REN: variants seen among roughly 807,000 people sequenced by gnomAD.
The protein encoded by REN is angiotensin-forming enzyme.
A neutral mutation model predicts 48.6 loss-of-function variants in REN; 42 were observed. The ratio of observed to expected loss-of-function variants is 0.86; its 90% confidence interval spans 0.68 to 1.12. The LOEUF is 1.12. Among genes scored for constraint, REN ranks in the 50% most tolerant of loss-of-function variants. The pLI, the probability that REN is intolerant of heterozygous loss-of-function variation, is 0.00. For missense variants in REN, 443 were observed against 527.3 expected, an observed-to-expected ratio of 0.84 and a Z score of 1.57; for synonymous variants, 196 against 204.6, an observed-to-expected ratio of 0.96 and a Z score of 0.36.
intron 5 of REN, among the ~76,000 whole-genome samples, chr1:204,158,258 C>T (rs895292917): frequency 3.9e-5 from 6 of 152,126 alleles, no homozygotes; most frequent in African/African-American, 1.2e-4. Flanking sequence ...AAAGACCACC[C>T]CTGAATGCAG....
At position 204,160,547 on chromosome 1, in the gene REN, C is replaced by A; in HGVS notation, c.492+13G>T. ...GGGGTCCGGGGCAGATGACCTAGGG[C>A]GGCCCAACTTACGGTGATGATGTCC... On this transcript the variant is annotated intron_variant, in intron 4 of 9. Coordinates refer to ENST00000272190, the MANE Select transcript of REN (RefSeq NM_000537.4). 1 of 1,580,574 alleles carries A rather than the reference C, an allele frequency of 6.3e-7. No individual in the cohort carries two copies. Among genetic ancestry groups the A allele is most frequent in the South Asian group, 1.1e-5 (1 of 90,412 alleles).
Position 204,156,387 on chromosome 1 carries a change from C to CTGCAT in REN, c.819-73_819-69dup. On this transcript the variant is annotated intron_variant, in intron 7 of 9. Coordinates refer to ENST00000272190, the MANE Select transcript of REN (RefSeq NM_000537.4). The surrounding 1 kb of genome is among the most constrained non-coding windows in gnomAD (Gnocchi z 4.2). ...AGAAGGCTGATGGGGCACCTCCAGGCTGCATGTCCTTCCTGAGTGTGGGTG... is the reference window on the plus strand; with the variant it reads ...AGAAGGCTGATGGGGCACCTCCAGGCTGCATTGCATGTCCTTCCTGAGTGTGGGTG... 7.6e-7 allele frequency: 1 copy of CTGCAT among 1,307,756 alleles called. No individual in the cohort carries two copies. The highest frequency in any genetic ancestry group is 2.9e-5 in the East Asian group (1 of 34,190). 81.0% of individuals were successfully genotyped at this position (1,307,756 alleles called of 1,614,324 possible).
chr1:204,156,941 C>T lies in REN; in HGVS notation c.699-145G>A. ...GTGGGACAGACAGCCAGGCTCGGAG[C>T]TGTCGTTGGGAAGCATGCAGAACAT... On this transcript the variant is annotated intron_variant, in intron 6 of 9. Transcript: ENST00000272190. The surrounding 1 kb of genome is among the most constrained non-coding windows in gnomAD (Gnocchi z 4.2). 1 of 1,071,544 alleles carries T rather than the reference C, an allele frequency of 9.3e-7. No homozygotes were observed. The highest frequency in any genetic ancestry group is 1.4e-6 in the Non-Finnish European group (1 of 705,940). The allele number at this position is 1,071,544 out of a possible 1,614,324, so 66.4% of individuals were successfully genotyped here.
At chr1:204,159,970 C>T (rs968213954) in intron 4 of REN, among the ~76,000 whole-genome samples, 3 of 152,180 alleles carry the variant, frequency 2.0e-5, no homozygotes, top group Admixed American at 2.0e-4. Flanking sequence ...ACAAGCTTGC[C>T]CTTCTCCCTC....
At chr1:204,157,313 C>T (rs776688137) in intron 6 of REN, 48 bp downstream of exon 6, 21 of 1,613,572 alleles carry the variant, frequency 1.3e-5, no homozygotes, top group Non-Finnish European at 1.6e-5. Flanking sequence ...GTCAGGTGCT[C>T]GGGGAGTACT....
chr1:204,158,829 A>G (rs764933440), intron 5 of REN, among the ~76,000 whole-genome samples: 1 of 152,202 alleles, frequency 6.6e-6, no homozygotes, highest in Non-Finnish European at 1.5e-5. Context: ...AGGGGAGTAC[A>G]GATTCTGCCT....
At chr1:204,161,176 G>A (rs1658239512) in intron 3 of REN, 116 bp downstream of exon 3, 1 of 1,191,458 alleles carries the variant, frequency 8.4e-7, no homozygotes, top group African/African-American at 1.5e-5. Flanking sequence ...CACAGAGGCA[G>A]AGAGGAAGCC....
intron 1 of REN, 128 bp from the exon 2 acceptor site, chr1:204,162,291 A>G: frequency 1.0e-6 from 1 of 1,005,000 alleles, no homozygotes; most frequent in Non-Finnish European, 1.5e-6. Context: ...CCTGGAAATC[A>G]CCTCTGTCGC....
chr1:204,154,994 C>G lies in REN; in HGVS notation c.*22G>C. On this transcript the variant is annotated 3_prime_UTR_variant, in exon 10 of 10. Transcript: ENST00000272190. ...CTCTGGGCCAGGGCTGAAGGCAGGG[C>G]CTGCCTGGGTGGCAGAGGGCCTCAG... 6.2e-7 allele frequency: 1 copy of G among 1,612,950 alleles called. No individual in the cohort carries two copies. Among genetic ancestry groups the G allele is most frequent in the Non-Finnish European group, 8.5e-7 (1 of 1,179,920 alleles).
At chr1:204,162,322 A>G (rs1020367286) in intron 1 of REN, among the ~76,000 whole-genome samples, 159 bp from the exon 2 acceptor site, 2 of 152,208 alleles carry the variant, frequency 1.3e-5, no homozygotes, top group African/African-American at 2.4e-5. Context: ...TGGAGCATTT[A>G]TAAGAGTTAC....
At chr1:204,159,332 C>T (rs534045777) in intron 5 of REN, 67 bp downstream of exon 5, 1 of 1,438,752 alleles carries the variant, frequency 7.0e-7, no homozygotes, top group East Asian at 2.3e-5. Context: ...CCCAGACTCT[C>T]CTTCCACTCC....
intron 9 of REN, 57 bp from the exon 10 acceptor site, chr1:204,155,234 CTT>C (rs1483032424): frequency 6.3e-7 from 1 of 1,588,452 alleles, no homozygotes; most frequent in Non-Finnish European, 8.6e-7. Context: ...CTCCTTTCAC[CTT>C]GCCTGACCCC....
intron 1 of REN, among the ~76,000 whole-genome samples, chr1:204,163,630 C>A (rs1658288154): frequency 6.6e-6 from 1 of 152,134 alleles, no homozygotes; most frequent in African/African-American, 2.4e-5. Flanking sequence ...CCAACATGTA[C>A]CCCCACCTCC....
intron 2 of REN, 55 bp from the exon 3 acceptor site, chr1:204,161,470 G>A: frequency 1.4e-6 from 2 of 1,402,738 alleles, no homozygotes; most frequent in Non-Finnish European, 1.9e-6. Flanking sequence ...GGGTCTTGGG[G>A]TCTTGCCTGG....
At position 204,156,919 on chromosome 1, in the gene REN, GGACA is replaced by G. The variant is rs1369740912; in HGVS notation, c.699-127_699-124del. 4 of 1,259,028 alleles carry G rather than the reference GGACA, an allele frequency of 3.2e-6. No homozygotes were observed. Among genetic ancestry groups the G allele is most frequent in the African/African-American group, 2.9e-5 (2 of 67,902 alleles). 78.0% of individuals were successfully genotyped at this position (1,259,028 alleles called of 1,614,324 possible). On this transcript the variant is annotated intron_variant, in intron 6 of 9. Coordinates refer to ENST00000272190, the MANE Select transcript of REN (RefSeq NM_000537.4). The surrounding 1 kb of genome is among the most constrained non-coding windows in gnomAD (Gnocchi z 4.2). ...GAGGGCTCTAGAGCAGAGGAATGTGGGACAGACAGCCAGGCTCGGAGCTGTCGTT... is the reference window on the plus strand; with the variant it reads ...GAGGGCTCTAGAGCAGAGGAATGTGGGACAGCCAGGCTCGGAGCTGTCGTT...
rs1347450806 is a variant in REN at position 204,155,981 on chromosome 1, C to T, written c.961-63G>A. 5 of 1,487,016 alleles carry T rather than the reference C, an allele frequency of 3.4e-6. No homozygotes were observed. In the East Asian group the frequency reaches 1.1e-4, roughly 34 times the overall value. 92.1% of individuals were successfully genotyped at this position (1,487,016 alleles called of 1,614,324 possible). A position where few individuals can be genotyped will look rare whatever the true frequency, so the allele number is the denominator to read the frequency against. ...AAGACGTCTCAGCAGACAAGGAGTC[C>T]TGCGCTGGTGGCCTGGTCTCTCTGC... On this transcript the variant is annotated intron_variant, in intron 8 of 9. Transcript: ENST00000272190.
rs1571643490 is a variant in REN, at chr1:204,154,837, A to G, written c.*179T>C. On this transcript the variant is annotated 3_prime_UTR_variant, in exon 10 of 10. Transcript: ENST00000272190. ...AACAGGCTGTGAACATGAAGTCTTT[A>G]TTCTCTTTGTCCTCAAAGCAGGGAA... 21 of 696,778 alleles carry G rather than the reference A, an allele frequency of 3.0e-5. No individual in the cohort carries two copies. In the East Asian group the frequency reaches 5.7e-4, roughly 19 times the overall value. 43.2% of individuals were successfully genotyped at this position (696,778 alleles called of 1,614,324 possible). A position where few individuals can be genotyped will look rare whatever the true frequency, so the allele number is the denominator to read the frequency against.
At chr1:204,164,582 T>C (rs988121083) in intron 1 of REN, among the ~76,000 whole-genome samples, 12 of 146,934 alleles carry the variant, frequency 8.2e-5, no homozygotes, top group East Asian at 4.1e-4. Context: ...TTTTTTTTTT[T>C]TTTTTTTACA....
Position 204,162,174 on chromosome 1 carries a change from G to C in REN, c.99-11C>G. 1 of 1,613,994 alleles carries C rather than the reference G, an allele frequency of 6.2e-7. No homozygotes were observed. Among genetic ancestry groups the C allele is most frequent in the Non-Finnish European group, 8.5e-7 (1 of 1,179,968 alleles). On this transcript the variant is annotated splice_polypyrimidine_tract_variant and intron_variant, in intron 1 of 9. Coordinates refer to ENST00000272190, the MANE Select transcript of REN (RefSeq NM_000537.4). ...CTCTTGAGGAAGATCCTGGCCCAGG[G>C]TGGAGGAAGCAAAAATAGAAAAGTG...
Sources: allele counts gnomAD v4.1 joint callset (sites outside exome capture counted in the v4.1 genomes callset), GRCh38; gene constraint gnomAD v4.1.1; non-coding constraint Gnocchi (gnomAD v3.1); transcripts MANE v1.5; gene names NCBI Gene and HGNC (gene_info 2026-07-23, HGNC 2026-07-21).